AMZ1: variants seen among roughly 807,000 people sequenced by gnomAD.
AMZ1 encodes the protein archaemetzincin-1.
Under a neutral mutation model 29.9 loss-of-function variants are expected in AMZ1, and 39 were observed. That is an observed-to-expected ratio of 1.30 (90% CI 1.01 to 1.70). The LOEUF (loss-of-function observed/expected upper bound fraction) is 1.70, where lower values mean the gene tolerates loss of function less well. Ranked by LOEUF, AMZ1 falls within the 40% of genes most tolerant of loss-of-function variation. The probability of loss-of-function intolerance (pLI) is 0.00; values close to 1 mark genes in which losing one functional copy is unlikely to be tolerated. For missense variants in AMZ1, 1,041 were observed against 680.6 expected (o/e 1.53, Z -5.89); for synonymous variants, 458 against 304.0 (o/e 1.51, Z -5.27).
intron 2 of AMZ1, chr7:2,702,226 A>ACT (rs10624226): frequency 1 from 153,014 of 153,698 alleles, 76,169 homozygotes; most frequent in South Asian, 1. Context: ...CTTGTGTGCT[A>ACT]CTCTGCCCCA....
At position 2,713,124 on chromosome 7, in the gene AMZ1, C is replaced by A. The variant is rs561304901; in HGVS notation, c.*246C>A. 1.1e-5 allele frequency: 4 copies of A among 368,100 alleles called. No homozygotes were observed. Among genetic ancestry groups the A allele is most frequent in the Admixed American group, 9.0e-5 (2 of 22,312 alleles). 22.8% of individuals were successfully genotyped at this position (368,100 alleles called of 1,614,324 possible). ...GGATGAAGTGGTTCATGCCTGTGTT[C>A]CCAGCTATTCAGGAGGCTGAGGTGG... On this transcript the variant is annotated 3_prime_UTR_variant, in exon 7 of 7. Transcript: ENST00000683327.
At chr7:2,710,816 G>A (rs61128220) in intron 6 of AMZ1, among the ~76,000 whole-genome samples, 9 of 152,178 alleles carry the variant, frequency 5.9e-5, no homozygotes, top group South Asian at 2.1e-4. Context: ...AGCATCTCCC[G>A]AGGGTACAGG....
At chr7:2,686,039 C>A (rs1479836801), upstream of AMZ1, among the ~76,000 whole-genome samples, 1 of 152,170 alleles carries the variant, frequency 6.6e-6, no homozygotes, top group Non-Finnish European at 1.5e-5. Flanking sequence ...GTACAAAGAT[C>A]TGTGGAAACA....
At chr7:2,738,885 CCT>C (rs1271409977) in intron 4 of AMZ1, among the ~76,000 whole-genome samples, 1 of 152,140 alleles carries the variant, frequency 6.6e-6, no homozygotes, top group Non-Finnish European at 1.5e-5. Context: ...GGAGCTGGCC[CCT>C]GACTCTGGCC....
At position 2,712,942 on chromosome 7, in the gene AMZ1, A is replaced by G; in HGVS notation, c.*64A>G. 1 of 1,450,256 alleles carries G rather than the reference A, an allele frequency of 6.9e-7. No individual in the cohort carries two copies. Among genetic ancestry groups the G allele is most frequent in the South Asian group, 1.6e-5 (1 of 64,014 alleles). 89.8% of individuals were successfully genotyped at this position (1,450,256 alleles called of 1,614,324 possible). On this transcript the variant is annotated 3_prime_UTR_variant, in exon 7 of 7. Coordinates refer to ENST00000683327, the MANE Select transcript of AMZ1 (RefSeq NM_001384743.1). ...GCTGGCCAGCACTGTCCAGTAGCTG[A>G]GGCCACTACTGACCTGCCAGGGATA...
At chr7:2,732,743 A>G (rs1185688361) in intron 4 of AMZ1, among the ~76,000 whole-genome samples, 1 of 152,196 alleles carries the variant, frequency 6.6e-6, no homozygotes, top group African/African-American at 2.4e-5. Context: ...GTGGAAGAGC[A>G]AAGTCCACAT....
chr7:2,741,743 C>G (rs1790516369), intron 4 of AMZ1, among the ~76,000 whole-genome samples: 1 of 151,842 alleles, frequency 6.6e-6, no homozygotes, highest in African/African-American at 2.4e-5. Flanking sequence ...GTTGTTTACC[C>G]CTAACAACTT....
At chr7:2,741,903 T>C (rs954505034) in intron 4 of AMZ1, among the ~76,000 whole-genome samples, 4 of 151,540 alleles carry the variant, frequency 2.6e-5, no homozygotes, top group African/African-American at 9.7e-5. Context: ...GTTTATCTAA[T>C]ATATACAGAT....
intron 4 of AMZ1, among the ~76,000 whole-genome samples, chr7:2,752,051 A>C (rs1310837835): frequency 6.6e-6 from 1 of 152,234 alleles, no homozygotes; most frequent in Non-Finnish European, 1.5e-5. Context: ...TCAAAAAAGA[A>C]AAATTACAGA....
intron 1 of AMZ1, among the ~76,000 whole-genome samples, chr7:2,690,502 T>A (rs2115048122): frequency 6.6e-6 from 1 of 152,298 alleles, no homozygotes; most frequent in South Asian, 2.1e-4. Context: ...GCCTCTCACA[T>A]CCTGTTGATC....
At chr7:2,755,366 C>A (rs1791244857) in intron 4 of AMZ1, among the ~76,000 whole-genome samples, 1 of 152,226 alleles carries the variant, frequency 6.6e-6, no homozygotes. Flanking sequence ...ATCTTGACAG[C>A]ACTGAGTTTT....
At chr7:2,759,538 T>C (rs1562411638) in intron 4 of AMZ1, among the ~76,000 whole-genome samples, 1 of 152,234 alleles carries the variant, frequency 6.6e-6, no homozygotes, top group African/African-American at 2.4e-5. Context: ...AAAGGAATAA[T>C]TAGCCAAATA....
chr7:2,680,001 C>G (rs112452106), intron 1 of AMZ1, among the ~76,000 whole-genome samples: 1 of 152,126 alleles, frequency 6.6e-6, no homozygotes, highest in Non-Finnish European at 1.5e-5. Flanking sequence ...AGCTGAGGGA[C>G]GCAGCTCACA....
intron 4 of AMZ1, chr7:2,728,408 C>A (rs1010193227): frequency 6.6e-5 from 10 of 152,220 alleles, no homozygotes; most frequent in Middle Eastern, 3.4e-3. Flanking sequence ...AGGAAAATTA[C>A]AATAAGAATT....
chr7:2,762,822 C>T (rs1214382898), upstream of AMZ1: 1 of 1,522,680 alleles, frequency 6.6e-7, no homozygotes, highest in South Asian at 1.3e-5. Flanking sequence ...TCCCATCCGC[C>T]ACACACCCAG....
intron 4 of AMZ1, chr7:2,733,479 A>G (rs1169894748): frequency 6.2e-7 from 1 of 1,613,930 alleles, no homozygotes. Flanking sequence ...CAAGTTGTCC[A>G]GGAAGTACTT....
In AMZ1 at chr7:2,712,766, G is replaced by A. The variant is rs1349015354; in HGVS notation, c.1385G>A (p.Gly462Glu). ...QDPPSSRDSV[G>E]LRKVLGDKFS... ...CCACCCAGCAGCAGGGACAGCGTGG[G>A]GCTGCGCAAGGTGCTGGGGGACAAG... The change falls in exon 7 of 7, where the codon GGG becomes GAG. Residue 462 changes from glycine to glutamate, a missense_variant. By Grantham distance (98) the Gly-to-Glu change is moderately conservative. Coordinates refer to ENST00000683327, the MANE Select transcript of AMZ1 (RefSeq NM_001384743.1). 53 of 1,594,478 alleles carry A rather than the reference G, an allele frequency of 3.3e-5. No individual in the cohort carries two copies. The highest frequency in any genetic ancestry group is 4.5e-5 in the Non-Finnish European group (53 of 1,168,828).
At chr7:2,711,048 C>T (rs1788742055) in intron 6 of AMZ1, among the ~76,000 whole-genome samples, 1 of 152,254 alleles carries the variant, frequency 6.6e-6, no homozygotes, top group Non-Finnish European at 1.5e-5. Flanking sequence ...CCCCTCCCTA[C>T]ACGTGCTGAC....
chr7:2,764,220 G>A (rs568062753), upstream of AMZ1, among the ~76,000 whole-genome samples: 4 of 151,008 alleles, frequency 2.6e-5, no homozygotes, highest in East Asian at 3.9e-4. Flanking sequence ...CCACGGGCAC[G>A]TGCCACCTAT....
Sources: gnomAD v4.1 joint callset for allele counts (sites outside exome capture counted in the v4.1 genomes callset) on GRCh38, gnomAD v4.1.1 for gene constraint, MANE v1.5 for transcripts, NCBI Gene and HGNC (gene_info 2026-07-23, HGNC 2026-07-21) for gene names.